Variants in DENND5B observed in about 807,000 individuals in gnomAD.
The protein encoded by DENND5B is DENN domain containing 5B.
In DENND5B, 34 loss-of-function variants were observed where a neutral mutation model predicts 140.6. That is an observed-to-expected ratio of 0.24 (90% confidence interval 0.18 to 0.32). DENND5B has a LOEUF of 0.32. DENND5B is among the 10% of genes least tolerant of loss of function. The pLI is 1.00. For synonymous variants in DENND5B, 551 were observed against 562.1 expected (o/e 0.98, Z 0.28); for missense variants, 1,142 against 1,560.2 (o/e 0.73, Z 4.52).
At chr12:31,536,203 T>C (rs1349964320) in intron 1 of DENND5B, among the ~76,000 whole-genome samples, 1 of 152,118 alleles carries the variant, frequency 6.6e-6, no homozygotes, top group Non-Finnish European at 1.5e-5. Flanking sequence ...TTAAACCTCT[T>C]TTATTTATAA....
intron 5 of DENND5B, among the ~76,000 whole-genome samples, chr12:31,451,370 C>T (rs1027656777): frequency 3.3e-5 from 5 of 152,066 alleles, no homozygotes; most frequent in Non-Finnish European, 7.4e-5. Flanking sequence ...GTTGCCCAGG[C>T]CGGAGTACAG....
At position 31,487,390 on chromosome 12, in the gene DENND5B, C is replaced by CT. The variant is rs144185175; in HGVS notation, c.238-7136dup. 9.6e-3 allele frequency among the ~76,000 whole-genome samples: 1,460 copies of CT among 152,182 alleles called. 27 individuals are homozygous for CT. Among genetic ancestry groups the CT allele is most frequent in the African/African-American group, 0.033 (1,383 of 41,516 alleles). ...CATAACAAGTTAATGAGTTGCTCTGCTGATAGCATGAATAAAAACTCATTT... is the reference window on the plus strand; with the variant it reads ...CATAACAAGTTAATGAGTTGCTCTGCTTGATAGCATGAATAAAAACTCATTT... On this transcript the variant is annotated intron_variant, in intron 2 of 20. Coordinates refer to ENST00000389082, the MANE Select transcript of DENND5B (RefSeq NM_144973.4).
At chr12:31,549,939 T>C (rs1187161356) in intron 1 of DENND5B, among the ~76,000 whole-genome samples, 1 of 152,180 alleles carries the variant, frequency 6.6e-6, no homozygotes, top group African/African-American at 2.4e-5. Flanking sequence ...CATGCATCTT[T>C]GTAACAGGAT....
chr12:31,420,556 G>A (rs1169499003), intron 11 of DENND5B, among the ~76,000 whole-genome samples: 1 of 151,638 alleles, frequency 6.6e-6, no homozygotes, highest in Non-Finnish European at 1.5e-5. Context: ...AGATACTCAT[G>A]CCTCAGCCTC....
At chr12:31,515,770 T>C (rs780992123) in intron 1 of DENND5B, among the ~76,000 whole-genome samples, 1 of 152,202 alleles carries the variant, frequency 6.6e-6, no homozygotes, top group Non-Finnish European at 1.5e-5. Context: ...CTGGTATAAA[T>C]AGACTACTCA....
chr12:31,413,452 T>C lies in DENND5B; in HGVS notation c.2665A>G (p.Asn889Asp), dbSNP rs1264915654. Residue 889 changes from asparagine (N) to aspartate (D), a missense_variant, in exon 13 of 21, where the codon AAC becomes GAC. Coordinates refer to ENST00000389082, the MANE Select transcript of DENND5B (RefSeq NM_144973.4). ...GTATCTTACTTGGTGAGTGGTTGGT[T>C]AGAAAGCAACTGCTTAAGATGCTGG... ...LSQHLKQLLSNQPLTKKLYKR... is the reference protein window; with the variant it reads ...LSQHLKQLLSDQPLTKKLYKR... 11 of 1,613,280 alleles carry C rather than the reference T, an allele frequency of 6.8e-6. No individual in the cohort carries two copies. Among genetic ancestry groups the C allele is most frequent in the African/African-American group, 1.3e-5 (1 of 74,906 alleles).
chr12:31,460,162 A>G (rs1944949884), intron 4 of DENND5B, 32 bp downstream of exon 4: 3 of 1,585,620 alleles, frequency 1.9e-6, no homozygotes, highest in Non-Finnish European at 1.7e-6. Context: ...ATCAGCAAAC[A>G]GCAAATGCTT....
chr12:31,461,262 A>T (rs1446810545), intron 3 of DENND5B, among the ~76,000 whole-genome samples: 3 of 152,158 alleles, frequency 2.0e-5, no homozygotes, highest in Non-Finnish European at 4.4e-5. Context: ...GGGTACAAGA[A>T]GTCAAACAGA....
intron 1 of DENND5B, among the ~76,000 whole-genome samples, chr12:31,529,910 C>T (rs1379592251): frequency 1.3e-5 from 2 of 152,102 alleles, no homozygotes; most frequent in East Asian, 3.8e-4. Context: ...AGCACAACTG[C>T]ACTTTTTTAT....
intron 1 of DENND5B, among the ~76,000 whole-genome samples, chr12:31,523,070 T>G (rs1190301535): frequency 6.6e-6 from 1 of 151,644 alleles, no homozygotes; most frequent in Non-Finnish European, 1.5e-5. Context: ...CTTTTTTTTT[T>G]TTTTTAAAGA....
chr12:31,480,420 C>A (rs1376499465), intron 2 of DENND5B, among the ~76,000 whole-genome samples, 165 bp from the exon 3 acceptor site: 1 of 152,126 alleles, frequency 6.6e-6, no homozygotes, highest in East Asian at 1.9e-4. Flanking sequence ...ATTCCTCATA[C>A]ACATGTATAT....
chr12:31,461,009 A>G (rs1264310882), intron 3 of DENND5B, among the ~76,000 whole-genome samples: 1 of 152,152 alleles, frequency 6.6e-6, no homozygotes, highest in Non-Finnish European at 1.5e-5. Flanking sequence ...TACAGGCGTG[A>G]ACCACCGCAC....
At chr12:31,581,127 T>C (rs1950197786) in intron 1 of DENND5B, among the ~76,000 whole-genome samples, 1 of 152,000 alleles carries the variant, frequency 6.6e-6, no homozygotes, top group South Asian at 2.1e-4. Context: ...AATAAACAAA[T>C]AAATGTAATA....
intron 1 of DENND5B, among the ~76,000 whole-genome samples, chr12:31,535,697 T>C (rs934394052): frequency 6.6e-6 from 1 of 152,044 alleles, no homozygotes; most frequent in African/African-American, 2.4e-5. Flanking sequence ...AAGTCTAGAC[T>C]GCAAAGACTA....
At chr12:31,510,453 C>A (rs1003998519) in intron 1 of DENND5B, among the ~76,000 whole-genome samples, 2 of 152,132 alleles carry the variant, frequency 1.3e-5, no homozygotes, top group Non-Finnish European at 2.9e-5. Flanking sequence ...GTAGCTAGGA[C>A]CACAGGCGCC....
At position 31,590,987 on chromosome 12, in the gene DENND5B, G is replaced by C; in HGVS notation, c.-155C>G. The stretch of plus-strand genomic sequence containing the variant: ...CAGCCGCCTCTCGCCGCCGCAGCCT[G>C]CCTCCTCGCTCGGCGCGGGGGAAGC... On this transcript the variant is annotated 5_prime_UTR_variant, in exon 1 of 21. Transcript: ENST00000389082. 1.2e-6 allele frequency: 1 copy of C among 858,374 alleles called. No homozygotes were observed. The highest frequency in any genetic ancestry group is 5.4e-5 in the South Asian group (1 of 18,582). The allele number at this position is 858,374 out of a possible 1,614,324, so 53.2% of individuals were successfully genotyped here.
intron 11 of DENND5B, 135 bp downstream of exon 11, chr12:31,423,462 C>T (rs561963500): frequency 1.4e-5 from 12 of 841,234 alleles, no homozygotes; most frequent in African/African-American, 3.4e-5. Flanking sequence ...AGTAATATTG[C>T]TCCTTCTACT....
intron 8 of DENND5B, among the ~76,000 whole-genome samples, chr12:31,428,081 G>C (rs1209181933): frequency 1.3e-5 from 2 of 152,002 alleles, no homozygotes; most frequent in East Asian, 3.9e-4. Context: ...TTTAACAGTT[G>C]TCTCTAATTC....
chr12:31,451,865 T>A (rs1206478976), intron 5 of DENND5B, 75 bp downstream of exon 5: 5 of 1,509,500 alleles, frequency 3.3e-6, no homozygotes, highest in Admixed American at 2.2e-5. Flanking sequence ...CACAGAAGAA[T>A]AAAAAATTTA....
Sources: gnomAD v4.1 joint callset for allele counts (sites outside exome capture counted in the v4.1 genomes callset) on GRCh38, gnomAD v4.1.1 for gene constraint, MANE v1.5 for transcripts, NCBI Gene and HGNC (gene_info 2026-07-23, HGNC 2026-07-21) for gene names.